GAK: variants seen among roughly 807,000 people sequenced by gnomAD.
GAK encodes the protein cyclin-G-associated kinase.
GAK carries 79 observed loss-of-function variants against 143.9 expected under a neutral mutation model. That is an observed-to-expected ratio of 0.55 (90% CI 0.46 to 0.66). The LOEUF is 0.66. Ranked by LOEUF, GAK falls within the 30% of genes least tolerant of loss-of-function variation. The pLI, the probability that GAK is intolerant of heterozygous loss-of-function variation, is 0.00. For synonymous variants in GAK, 881 were observed against 765.5 expected, an observed-to-expected ratio of 1.15 and a Z score of -2.49; for missense variants, 1,693 against 1,779.7, an observed-to-expected ratio of 0.95 and a Z score of 0.88.
chr4:853,754 C>T (rs1485162093), intron 24 of GAK: 1 of 152,524 alleles, frequency 6.6e-6, no homozygotes, highest in African/African-American at 2.4e-5. Flanking sequence ...GCTTCCTGGC[C>T]ATCGGATGTC....
chr4:859,862 G>C, intron 23 of GAK, 140 bp from the exon 24 acceptor site: 1 of 650,574 alleles, frequency 1.5e-6, no homozygotes, highest in Non-Finnish European at 2.7e-6. Flanking sequence ...TTGCGTGCAC[G>C]AGACCAGCCA....
intron 17 of GAK, 134 bp from the exon 18 acceptor site, chr4:876,743 A>G (rs1713979577): frequency 1.3e-6 from 1 of 745,070 alleles, no homozygotes; most frequent in African/African-American, 1.7e-5. Context: ...CCCCCGTGCC[A>G]CATGTTGTGG....
At position 884,073 on chromosome 4, in the gene GAK, C is replaced by A. The variant is rs1560353253; in HGVS notation, c.1219G>T (p.Asp407Tyr). ...GATGTGATGTAAGATATGTCCAGGTCACCCTTTGCATAACTGGAATTAAAA... is the reference window on the plus strand; with the variant it reads ...GATGTGATGTAAGATATGTCCAGGTAACCCTTTGCATAACTGGAATTAAAA... Reference protein sequence around the residue: ...IQSVANYAKGDLDISYITSRI... With the variant: ...IQSVANYAKGYLDISYITSRI... The change falls in exon 12 of 28, where the codon GAC becomes TAC. Residue 407 changes from aspartate to tyrosine, a missense_variant. This residue lies in a region of GAK where 871 missense variants were observed against 991.0 expected (regional missense o/e 0.88). Transcript: ENST00000314167. 1.9e-6 allele frequency: 3 copies of A among 1,613,706 alleles called. No individual in the cohort carries two copies. The highest frequency in any genetic ancestry group is 4.5e-5 in the East Asian group (2 of 44,888).
At chr4:874,631 G>A (rs1161145216) in intron 18 of GAK, among the ~76,000 whole-genome samples, 1 of 151,706 alleles carries the variant, frequency 6.6e-6, no homozygotes, top group Non-Finnish European at 1.5e-5. Flanking sequence ...ATTCAACCAG[G>A]ATGCTCTGAG....
chr4:921,739 T>C lies in GAK; in HGVS notation c.146-8071A>G, dbSNP rs540699875. ...AGTTTGCGTCCAAAAAGATCCTGTT[T>C]AGGGGACGAAAGGACAAGCTGCAGA... On this transcript the variant is annotated intron_variant, in intron 1 of 27. Coordinates refer to ENST00000314167, the MANE Select transcript of GAK (RefSeq NM_005255.4). 1.2e-3 allele frequency among the ~76,000 whole-genome samples: 176 copies of C among 151,944 alleles called. 2 individuals carry two copies. Among genetic ancestry groups the C allele is most frequent in the African/African-American group, 4.0e-3 (166 of 41,458 alleles).
chr4:911,422 C>A (rs1374799560), intron 4 of GAK, among the ~76,000 whole-genome samples: 4 of 152,232 alleles, frequency 2.6e-5, no homozygotes, highest in African/African-American at 9.6e-5. Flanking sequence ...GGGAGCCCGG[C>A]TCTCTGGCTG....
chr4:928,605 C>G (rs1002038232), intron 1 of GAK, among the ~76,000 whole-genome samples: 1 of 152,142 alleles, frequency 6.6e-6, no homozygotes, highest in Non-Finnish European at 1.5e-5. Flanking sequence ...GCCACTGAGC[C>G]CACCTTGGAG....
chr4:868,733 CG>C, intron 19 of GAK, 48 bp from the exon 20 acceptor site: 1 of 1,526,134 alleles, frequency 6.6e-7, no homozygotes. Context: ...CCAGCAGCCT[CG>C]GGGCAACACT....
Position 882,545 on chromosome 4 carries a change from G to A in GAK, c.1527+152C>T, listed in dbSNP as rs1003245438. 1.5e-5 allele frequency: 15 copies of A among 1,013,938 alleles called. No individual in the cohort carries two copies. The African/African-American group carries it at 2.4e-4, about 16-fold the overall frequency. The allele number at this position is 1,013,938 out of a possible 1,614,324, so 62.8% of individuals were successfully genotyped here. On this transcript the variant is annotated intron_variant, in intron 14 of 27. Transcript: ENST00000314167. ...GGCCATCTGTCATCTGTCCCCTCCAGACCCAAAGACACCAAGCACAGGGAC... is the reference window on the plus strand; with the variant it reads ...GGCCATCTGTCATCTGTCCCCTCCAAACCCAAAGACACCAAGCACAGGGAC...
intron 12 of GAK, 150 bp downstream of exon 12, chr4:883,887 C>T (rs1715686176): frequency 1.5e-5 from 11 of 714,326 alleles, no homozygotes; most frequent in South Asian, 3.7e-5. Flanking sequence ...AGGCCGCCTG[C>T]CTGCCAAGGG....
At chr4:881,762 G>T in intron 15 of GAK, 145 bp downstream of exon 15, 2 of 1,041,926 alleles carry the variant, frequency 1.9e-6, no homozygotes, top group Non-Finnish European at 2.7e-6. Flanking sequence ...CCAGGGCTCA[G>T]CCATGGCTCC....
intron 1 of GAK, among the ~76,000 whole-genome samples, chr4:921,107 T>C (rs1314018893): frequency 1.3e-5 from 2 of 150,514 alleles, no homozygotes; most frequent in Non-Finnish European, 3.0e-5. Context: ...TCTTCTTCTT[T>C]TTCTTTTTTT....
At chr4:849,833 G>GGGGGGGGGGGGCCCCCCC in intron 27 of GAK, 59 bp from the exon 28 acceptor site, 2 of 1,190,154 alleles carry the variant, frequency 1.7e-6, no homozygotes, top group Non-Finnish European at 2.3e-6. Flanking sequence ...GGCGGGGCAG[G>GGGGGGGGGGGGCCCCCCC]ACCCCCCCCC....
chr4:869,176 C>G (rs1181451892), intron 19 of GAK: 1 of 181,136 alleles, frequency 5.5e-6, no homozygotes, highest in African/African-American at 2.4e-5. Context: ...ACAGCACACA[C>G]AGATGCACAG....
In GAK at chr4:851,122, G is replaced by A; in HGVS notation, c.3509-38C>T. The A allele has an allele frequency of 1.9e-6, 3 of 1,576,502 alleles. No homozygotes were observed. In the South Asian group the frequency reaches 3.4e-5, roughly 18 times the overall value. On this transcript the variant is annotated intron_variant, in intron 25 of 27. Transcript: ENST00000314167. ...AGAAACTTTTTTTTGTTTGAGACAGGGTCTCCACTCTGTCACCCAGGCCAG... is the reference window on the plus strand; with the variant it reads ...AGAAACTTTTTTTTGTTTGAGACAGAGTCTCCACTCTGTCACCCAGGCCAG...
chr4:892,847 C>A (rs1334211295), intron 9 of GAK, among the ~76,000 whole-genome samples: 1 of 152,228 alleles, frequency 6.6e-6, no homozygotes, highest in Non-Finnish European at 1.5e-5. Context: ...CTGCAAACCT[C>A]AAGGAGGCCA....
At chr4:853,681 G>GCCTCCTCCGCGTTCGGA (rs1748610298) in intron 24 of GAK, 1 of 151,940 alleles carries the variant, frequency 6.6e-6, no homozygotes, top group African/African-American at 2.4e-5. Context: ...CCGTGTTCGG[G>GCCTCCTCCGCGTTCGGA]CCTCCTCCGC....
At position 904,799 on chromosome 4, in the gene GAK, A is replaced by C. The variant is rs1720766263; in HGVS notation, c.383-20T>G. On this transcript the variant is annotated intron_variant, in intron 4 of 27. Transcript: ENST00000314167. ...GCTGCCCTAAAAGAGAATGAAACTC[A>C]CATGGAGGCAGGAGAACAGGGTCCG... The C allele has an allele frequency of 6.2e-7, 1 of 1,611,608 alleles. No individual in the cohort carries two copies. Among genetic ancestry groups the C allele is most frequent in the Admixed American group, 1.7e-5 (1 of 59,570 alleles).
rs1484011392 is a variant in GAK at position 894,140 on chromosome 4, GC to G, written c.742-132del. 2.7e-6 allele frequency: 3 copies of G among 1,096,504 alleles called. No homozygotes were observed. The African/African-American group carries it at 5.0e-5, about 18-fold the overall frequency. 67.9% of individuals were successfully genotyped at this position (1,096,504 alleles called of 1,614,324 possible). ...GGGTGACATCGGAGCCGTGGGGAGCGCAGGGGTGACACTGGGGACTGCAGGG... is the reference window on the plus strand; with the variant it reads ...GGGTGACATCGGAGCCGTGGGGAGCGAGGGGTGACACTGGGGACTGCAGGG... On this transcript the variant is annotated intron_variant, in intron 7 of 27. Coordinates refer to ENST00000314167, the MANE Select transcript of GAK (RefSeq NM_005255.4).
Sources: allele counts gnomAD v4.1 joint callset (sites outside exome capture counted in the v4.1 genomes callset), GRCh38; gene constraint gnomAD v4.1.1; regional missense constraint gnomAD v4.1.1; transcripts MANE v1.5; gene names NCBI Gene and HGNC (gene_info 2026-07-23, HGNC 2026-07-21).